The following FMNL3 variants were observed in gnomAD, a reference collection of about 807,000 sequenced individuals.
FMNL3 encodes formin-like protein 3.
A neutral mutation model predicts 119.6 loss-of-function variants in FMNL3; 57 were observed. That is an observed-to-expected ratio of 0.48 (90% CI 0.39 to 0.59). The LOEUF is 0.59. Among genes scored for constraint, FMNL3 ranks in the 20% least tolerant of loss-of-function variants. The probability of loss-of-function intolerance (pLI) is 0.00; values close to 1 mark genes in which losing one functional copy is unlikely to be tolerated. For synonymous variants in FMNL3, 491 were observed against 507.3 expected, an observed-to-expected ratio of 0.97 and a Z score of 0.43; for missense variants, 1,053 against 1,323.5, an observed-to-expected ratio of 0.80 and a Z score of 3.17.
At position 49,642,406 on chromosome 12, in the gene FMNL3, A is replaced by G; in HGVS notation, c.*3409T>C. ...CGTAGCCTGGCCCCAAGCACCCCTC[A>G]AGCCTGAGGGCAGCGGTGCTTCACC... On this transcript the variant is annotated 3_prime_UTR_variant, in exon 26 of 26. Coordinates refer to ENST00000335154, the MANE Select transcript of FMNL3 (RefSeq NM_175736.5). The surrounding 1 kb of genome is among the most constrained non-coding windows in gnomAD (Gnocchi z 5.8). The G allele has an allele frequency of 6.2e-7, 1 of 1,608,958 alleles. No individual in the cohort carries two copies. Among genetic ancestry groups the G allele is most frequent in the Non-Finnish European group, 8.5e-7 (1 of 1,176,488 alleles).
intron 14 of FMNL3, 129 bp from the exon 15 acceptor site, chr12:49,651,579 T>G: frequency 2.3e-6 from 2 of 855,452 alleles, no homozygotes; most frequent in Non-Finnish European, 3.3e-6. Context: ...GGAGCCTACA[T>G]GAACTCTGCT....
intron 1 of FMNL3, among the ~76,000 whole-genome samples, chr12:49,673,814 C>T (rs528471229): frequency 1.4e-4 from 21 of 152,230 alleles, no homozygotes; most frequent in Admixed American, 1.2e-3. Flanking sequence ...CTGCTGCCGC[C>T]GCCTCCACGT....
Position 49,651,286 on chromosome 12 carries a change from C to T in FMNL3, c.1679G>A (p.Arg560Gln), listed in dbSNP as rs371568850. Reference protein sequence around the residue: ...VVLTVGLSAIRIKKPIKTKFR... With the variant: ...VVLTVGLSAIQIKKPIKTKFR... ...CTTGGTCTTGATAGGTTTCTTAATT[C>T]GAATGGCTAATTTGGAAGGAGGATC... The change falls in exon 16 of 26, where the codon CGA (arginine) becomes CAA (glutamine). Residue 560 changes from arginine to glutamine, a missense_variant. By Grantham distance (43) the Arg-to-Gln change is conservative. Around this residue, in one of 4 missense-constraint regions of FMNL3, gnomAD observed 445 missense variants for 628.4 expected, o/e 0.71. Transcript: ENST00000335154. The T allele has an allele frequency of 1.6e-5, 25 of 1,611,578 alleles. No individual in the cohort carries two copies. The highest frequency in any genetic ancestry group is 3.3e-5 in the Admixed American group (2 of 59,956).
chr12:49,670,440 G>A (rs1944013819), intron 1 of FMNL3, among the ~76,000 whole-genome samples: 1 of 152,160 alleles, frequency 6.6e-6, no homozygotes, highest in African/African-American at 2.4e-5. Context: ...GCAGTAAGGT[G>A]ATAATAAACT....
intron 14 of FMNL3, 33 bp downstream of exon 14, chr12:49,651,899 GC>G: frequency 6.5e-7 from 1 of 1,536,586 alleles, no homozygotes; most frequent in Non-Finnish European, 8.8e-7. Context: ...CAAAGAGGCT[GC>G]CCCTGTTGGC....
In FMNL3 at chr12:49,654,178, C is replaced by T. The variant is rs1270371650; in HGVS notation, c.1071+14G>A. The T allele has an allele frequency of 6.2e-7, 1 of 1,610,922 alleles. No individual in the cohort carries two copies. Among genetic ancestry groups the T allele is most frequent in the Non-Finnish European group, 8.5e-7 (1 of 1,177,350 alleles). ...CCAAAGCACCTCACCTTACAAGGAC[C>T]CCAGCCAGCTCACCTGCAGGAACTC... is the stretch of plus-strand genomic sequence containing the variant. On this transcript the variant is annotated intron_variant, in intron 11 of 25. Coordinates refer to ENST00000335154, the MANE Select transcript of FMNL3 (RefSeq NM_175736.5).
rs771178459 is a variant in FMNL3 at position 49,647,228 on chromosome 12, C to A, written c.2871+48G>T. On this transcript the variant is annotated intron_variant, in intron 24 of 25. Coordinates refer to ENST00000335154, the MANE Select transcript of FMNL3 (RefSeq NM_175736.5). The surrounding 1 kb of genome is among the most constrained non-coding windows in gnomAD (Gnocchi z 4.9). ...CTAGCCTTCTGACCCCCAGCCCCCA[C>A]TCTTTTGCCTTGTCGTCCTCCAGGC... 1.2e-6 allele frequency: 2 copies of A among 1,607,770 alleles called. No homozygotes were observed. The highest frequency in any genetic ancestry group is 1.7e-6 in the Non-Finnish European group (2 of 1,174,594).
Position 49,680,464 on chromosome 12 carries a change from CAT to C in FMNL3, c.127-11912_127-11911del, listed in dbSNP as rs575171794. ...GCTTCTATCCTCTTTTGGGAGGAAT[CAT>C]AATAACCTCAGTCTGCTCTAGATCC... On this transcript the variant is annotated intron_variant, in intron 1 of 25. Coordinates refer to ENST00000335154, the MANE Select transcript of FMNL3 (RefSeq NM_175736.5). Among the ~76,000 whole-genome samples, 9 of 152,324 alleles carry C rather than the reference CAT, an allele frequency of 5.9e-5. No homozygotes were observed. The South Asian group carries it at 1.9e-3, about 32-fold the overall frequency.
intron 5 of FMNL3, 67 bp from the exon 6 acceptor site, chr12:49,658,661 C>T (rs968479005): frequency 1.6e-5 from 23 of 1,478,658 alleles, no homozygotes; most frequent in Non-Finnish European, 2.1e-5. Context: ...AGTGCCAAGG[C>T]CCCCCGTGAG....
intron 1 of FMNL3, among the ~76,000 whole-genome samples, chr12:49,690,805 C>T (rs1027328928): frequency 2.6e-5 from 4 of 152,224 alleles, no homozygotes; most frequent in African/African-American, 9.6e-5. Flanking sequence ...TGGAGCTGGG[C>T]GCAGTGCCAG....
chr12:49,695,507 T>TA (rs1215693109), intron 1 of FMNL3, among the ~76,000 whole-genome samples: 1 of 152,108 alleles, frequency 6.6e-6, no homozygotes, highest in Non-Finnish European at 1.5e-5. Flanking sequence ...ATATTGCCTG[T>TA]AAAAAAACAC....
intron 1 of FMNL3, among the ~76,000 whole-genome samples, chr12:49,690,881 CA>C (rs1354293120): frequency 2.0e-5 from 3 of 152,166 alleles, no homozygotes; most frequent in African/African-American, 7.2e-5. Flanking sequence ...CTTGTCTCTA[CA>C]AAAAATACAA....
At chr12:49,657,778 A>G (rs1381235995) in intron 6 of FMNL3, among the ~76,000 whole-genome samples, 1 of 152,156 alleles carries the variant, frequency 6.6e-6, no homozygotes, top group Admixed American at 6.5e-5. Context: ...ACACAACCCA[A>G]AGGAGACTAG....
intron 1 of FMNL3, among the ~76,000 whole-genome samples, chr12:49,702,113 G>A (rs2139062372): frequency 6.6e-6 from 1 of 151,798 alleles, no homozygotes; most frequent in East Asian, 2.0e-4. Context: ...AAACCAATGT[G>A]GGCAACAAAG....
At chr12:49,690,906 G>A (rs981629996) in intron 1 of FMNL3, among the ~76,000 whole-genome samples, 10 of 152,236 alleles carry the variant, frequency 6.6e-5, no homozygotes, top group Admixed American at 3.3e-4. Context: ...TTAGCCAGGC[G>A]TGGTGGTGCA....
At chr12:49,689,839 A>G (rs1483447858) in intron 1 of FMNL3, among the ~76,000 whole-genome samples, 1 of 152,120 alleles carries the variant, frequency 6.6e-6, no homozygotes, top group Non-Finnish European at 1.5e-5. Flanking sequence ...CCCCTCATAT[A>G]GCTGCTTCAT....
At chr12:49,672,914 G>A (rs1174352239) in intron 1 of FMNL3, among the ~76,000 whole-genome samples, 1 of 152,206 alleles carries the variant, frequency 6.6e-6, no homozygotes, top group Non-Finnish European at 1.5e-5. Flanking sequence ...ATAAATCTTA[G>A]GAACAGAGAC....
intron 8 of FMNL3, 27 bp from the exon 9 acceptor site, chr12:49,656,524 A>G: frequency 6.3e-7 from 1 of 1,589,912 alleles, no homozygotes; most frequent in South Asian, 1.1e-5. Flanking sequence ...GAAGATTAAC[A>G]CCCTAACTCC....
chr12:49,707,128 G>A lies in FMNL3; in HGVS notation c.53C>T (p.Pro18Leu), dbSNP rs749783540. 2 of 1,602,800 alleles carry A rather than the reference G, an allele frequency of 1.2e-6. No individual in the cohort carries two copies. Among genetic ancestry groups the A allele is most frequent in the Non-Finnish European group, 1.7e-6 (2 of 1,175,758 alleles). Residue 18 changes from proline (P) to leucine (L), a missense_variant, in exon 1 of 26, where the codon CCG (proline) becomes CTG (leucine). By Grantham distance (98) the Pro-to-Leu change is moderately conservative. This residue lies in a region of FMNL3 where 264 missense variants were observed against 265.5 expected (regional missense o/e 0.99). Transcript: ENST00000335154. ...CATCTTGCCGGGCGGCAGCAACAAC[G>A]GGACAGAGGGGGGCTCTCCCGGGAC... Reference protein sequence around the residue: ...EGVPGEPPSVPLLLPPGKMPM... With the variant: ...EGVPGEPPSVLLLLPPGKMPM...
Sources: gnomAD v4.1 joint callset for allele counts (sites outside exome capture counted in the v4.1 genomes callset) on GRCh38, gnomAD v4.1.1 for gene constraint, gnomAD v4.1.1 regional missense constraint, Gnocchi (gnomAD v3.1) non-coding constraint, MANE v1.5 for transcripts, NCBI Gene and HGNC (gene_info 2026-07-23, HGNC 2026-07-21) for gene names.